The following CCDC157 variants were observed in gnomAD, a reference collection of about 807,000 sequenced individuals.
CCDC157 encodes coiled-coil domain-containing protein 157.
CCDC157 carries 60 observed loss-of-function variants against 70.9 expected under a neutral mutation model. The observed-to-expected ratio is 0.85, with a 90% CI of 0.69 to 1.05. CCDC157 has a LOEUF of 1.05. CCDC157 is among the 50% of genes least tolerant of loss of function. The probability of loss-of-function intolerance (pLI) is 0.00; values close to 1 mark genes in which losing one functional copy is unlikely to be tolerated. For missense variants in CCDC157, 943 were observed against 984.2 expected, an observed-to-expected ratio of 0.96 and a Z score of 0.56; for synonymous variants, 373 against 422.4, an observed-to-expected ratio of 0.88 and a Z score of 1.43.
chr22:30,373,627 A>C lies in CCDC157; in HGVS notation c.1366A>C (p.Lys456Gln), dbSNP rs1227934162. The change falls in exon 8 of 12, where the codon AAG (lysine) becomes CAG (glutamine). Residue 456 changes from lysine to glutamine, a missense_variant. By Grantham distance (53) the Lys-to-Gln change is moderately conservative (BLOSUM62 1). Transcript: ENST00000338306. ...SLQAKQRALL[K>Q]QLDSLDQERE... ...GCAGGCCAAGCAGCGAGCCCTGCTA[A>C]AGCAGCTGGACAGCCTGGACCAGGA... is the stretch of plus-strand genomic sequence containing the variant. The C allele has an allele frequency of 4.5e-6, 7 of 1,557,022 alleles. No individual in the cohort carries two copies. Among genetic ancestry groups the C allele is most frequent in the Non-Finnish European group, 6.1e-6 (7 of 1,150,098 alleles).
intron 3 of CCDC157, chr22:30,366,548 C>G: frequency 1.3e-5 from 6 of 453,016 alleles, no homozygotes; most frequent in Non-Finnish European, 2.5e-5. Context: ...CTCTCAGCCT[C>G]TCCCAGCTGC....
intron 1 of CCDC157, among the ~76,000 whole-genome samples, chr22:30,359,180 T>C (rs1601712245): frequency 6.6e-6 from 1 of 150,710 alleles, no homozygotes; most frequent in African/African-American, 2.4e-5. Context: ...TCTTGATTTC[T>C]TTATTTCTTT....
chr22:30,373,725 C>T lies in CCDC157; in HGVS notation c.1464C>T (p.Ser488=), dbSNP rs757979787. ...CCCGCGTGGAGGAGCAGCTGCAGAG[C>T]GAGCGGGAGCAGGGGCAATGCCAGC... The part of the protein sequence containing the change: ...QRARVEEQLQ[S]EREQGQCQLR... Residue 488 remains serine, a synonymous_variant, in exon 8 of 12, where the codon AGC becomes AGT. Coordinates refer to ENST00000338306, the MANE Select transcript of CCDC157 (RefSeq NM_001017437.5). The T allele has an allele frequency of 9.7e-6, 15 of 1,553,252 alleles. No homozygotes were observed. In the Admixed American group the frequency reaches 2.1e-4, roughly 22 times the overall value.
Position 30,376,852 on chromosome 22 carries a change from A to C in CCDC157, c.*107A>C. The C allele has an allele frequency of 8.7e-7, 1 of 1,145,846 alleles. No homozygotes were observed. Among genetic ancestry groups the C allele is most frequent in the South Asian group, 1.5e-5 (1 of 66,726 alleles). The allele number at this position is 1,145,846 out of a possible 1,614,324, so 71.0% of individuals were successfully genotyped here. ...CAATCTTTGCCTCACAGTATGACTGAGCCAAGGAAAGAACCCTTCCTTCCC... is the reference window on the plus strand; with the variant it reads ...CAATCTTTGCCTCACAGTATGACTGCGCCAAGGAAAGAACCCTTCCTTCCC... On this transcript the variant is annotated 3_prime_UTR_variant, in exon 12 of 12. Transcript: ENST00000338306.
chr22:30,366,355 C>T, intron 3 of CCDC157, 107 bp downstream of exon 3: 5 of 1,409,964 alleles, frequency 3.5e-6, no homozygotes, highest in Non-Finnish European at 4.9e-6. Flanking sequence ...GTTGGAACAA[C>T]AGTCACCATT....
At chr22:30,373,519 TG>T (rs1329504860) in intron 7 of CCDC157, 77 bp from the exon 8 acceptor site, 13 of 1,484,698 alleles carry the variant, frequency 8.8e-6, no homozygotes, top group Admixed American at 6.0e-5. Flanking sequence ...TAGTAGATGC[TG>T]TAGCCTCCTT....
At chr22:30,365,774 G>A (rs1420106515) in intron 2 of CCDC157, among the ~76,000 whole-genome samples, 1 of 152,216 alleles carries the variant, frequency 6.6e-6, no homozygotes, top group Non-Finnish European at 1.5e-5. Context: ...GGACTCTGCA[G>A]TATGTGCTTG....
At chr22:30,369,731 TC>T in intron 4 of CCDC157, 128 bp downstream of exon 4, 1 of 710,004 alleles carries the variant, frequency 1.4e-6, no homozygotes, top group Non-Finnish European at 2.1e-6. Context: ...CTTTACTGGC[TC>T]CCACCGCCCT....
rs557415482 is a variant in CCDC157 at position 30,366,026 on chromosome 22, C to G, written c.26C>G (p.Ala9Gly). Residue 9 changes from alanine to glycine, a missense_variant, in exon 3 of 12, where the codon GCC (alanine) becomes GGC (glycine). Physicochemically the swap from Ala to Gly is moderately conservative, Grantham distance 60. Coordinates refer to ENST00000338306, the MANE Select transcript of CCDC157 (RefSeq NM_001017437.5). ...ATGGCGCACCTGCTGGGCAGCCAGGCCTGCATGGAGAGCCTGCGCACAGAC... is the reference window on the plus strand; with the variant it reads ...ATGGCGCACCTGCTGGGCAGCCAGGGCTGCATGGAGAGCCTGCGCACAGAC... Reference protein sequence around the residue: MAHLLGSQACMESLRTDLT... With the variant: MAHLLGSQGCMESLRTDLT... 4.4e-6 allele frequency: 7 copies of G among 1,601,778 alleles called. No individual in the cohort carries two copies. In the Middle Eastern group the frequency reaches 9.9e-4, roughly 227 times the overall value.
At chr22:30,364,218 T>C (rs890481593) in intron 2 of CCDC157, among the ~76,000 whole-genome samples, 22 of 152,302 alleles carry the variant, frequency 1.4e-4, no homozygotes, top group South Asian at 2.1e-4. Context: ...ATGCCTGTAG[T>C]CCTAGCTACT....
rs768211536 is a variant in CCDC157, at chr22:30,372,281, CAGG to C, written c.1334_1335+1del. Reference sequence around the variant, plus strand: ...CCGTGTCGACAGCATGGTCCGCCACCAGGAGGTGAGGCCAGGGCCCTCGCTAGC... The same window carrying C: ...CCGTGTCGACAGCATGGTCCGCCACCAGGTGAGGCCAGGGCCCTCGCTAGC... On this transcript the variant is annotated inframe_deletion and splice_region_variant, in exon 7 of 12. Transcript: ENST00000338306. The C allele has an allele frequency of 2.6e-6, 4 of 1,566,286 alleles. No individual in the cohort carries two copies. Among genetic ancestry groups the C allele is most frequent in the East Asian group, 4.6e-5 (2 of 43,852 alleles).
chr22:30,375,072 C>T (rs1335457660), intron 9 of CCDC157: 6 of 306,462 alleles, frequency 2.0e-5, no homozygotes, highest in African/African-American at 4.4e-5. Context: ...GATTCTCCTG[C>T]CTCAGCCTCC....
chr22:30,375,772 G>C (rs997071597), intron 10 of CCDC157, 109 bp downstream of exon 10: 13 of 925,868 alleles, frequency 1.4e-5, no homozygotes, highest in Admixed American at 6.0e-5. Context: ...CATCACATGA[G>C]GCCTTAGGCT....
At chr22:30,368,287 T>C (rs994029134) in intron 3 of CCDC157, among the ~76,000 whole-genome samples, 1 of 152,238 alleles carries the variant, frequency 6.6e-6, no homozygotes, top group Non-Finnish European at 1.5e-5. Context: ...TGCATTACAC[T>C]GTCCCTCTGC....
At position 30,377,841 on chromosome 22, in the gene CCDC157, C is replaced by T; in HGVS notation, c.*1096C>T. 3.1e-6 allele frequency: 1 copy of T among 320,640 alleles called. No homozygotes were observed. Among genetic ancestry groups the T allele is most frequent in the East Asian group, 8.1e-5 (1 of 12,374 alleles). 19.9% of individuals were successfully genotyped at this position (320,640 alleles called of 1,614,324 possible). A position where few individuals can be genotyped will look rare whatever the true frequency, so the allele number is the denominator to read the frequency against. ...CACAGCTGAGTAGCTCTCTCAGGCG[C>T]CCACCAACTCCGTGCCATGTATTCA... On this transcript the variant is annotated 3_prime_UTR_variant, in exon 12 of 12. Coordinates refer to ENST00000338306, the MANE Select transcript of CCDC157 (RefSeq NM_001017437.5).
At chr22:30,373,035 A>G (rs1043072970) in intron 7 of CCDC157, 2 of 154,726 alleles carry the variant, frequency 1.3e-5, no homozygotes, top group East Asian at 3.8e-4. Flanking sequence ...ACTCCTCGCT[A>G]CAGCAACAGG....
At chr22:30,356,699 G>A (rs762603611), upstream of CCDC157, 26 of 1,454,064 alleles carry the variant, frequency 1.8e-5, no homozygotes, top group South Asian at 2.9e-4. Flanking sequence ...CCAACCCTCC[G>A]GCTGCAGGCT....
intron 1 of CCDC157, among the ~76,000 whole-genome samples, chr22:30,358,003 C>T (rs1457165799): frequency 6.6e-6 from 1 of 152,122 alleles, no homozygotes; most frequent in African/African-American, 2.4e-5. Context: ...CAGATGCAGC[C>T]CTGCAAGCTA....
intron 5 of CCDC157, chr22:30,371,419 T>C: frequency 1.8e-6 from 1 of 565,198 alleles, no homozygotes; most frequent in Non-Finnish European, 3.2e-6. Context: ...GTTGCCTCCA[T>C]GGACGACACC....
Sources: gnomAD v4.1 joint callset for allele counts (sites outside exome capture counted in the v4.1 genomes callset) on GRCh38, gnomAD v4.1.1 for gene constraint, MANE v1.5 for transcripts, NCBI Gene and HGNC (gene_info 2026-07-23, HGNC 2026-07-21) for gene names.